SDK2: variants seen among roughly 807,000 people sequenced by gnomAD.
SDK2 encodes sidekick cell adhesion molecule 2, also known as protein sidekick-2.
A neutral mutation model predicts 253.9 loss-of-function variants in SDK2; 105 were observed. That is an observed-to-expected ratio of 0.41 (90% confidence interval 0.35 to 0.49). The LOEUF (loss-of-function observed/expected upper bound fraction) is 0.49. SDK2 is among the 20% of genes least tolerant of loss of function. SDK2 has a pLI of 0.06. For synonymous variants in SDK2, 1,249 were observed against 1,234.9 expected, an observed-to-expected ratio of 1.01 and a Z score of -0.24; for missense variants, 2,608 against 3,003.0, an observed-to-expected ratio of 0.87 and a Z score of 3.07.
rs1050003747 is a variant in SDK2, at chr17:73,527,928, G to C, written c.65-20331C>G. On this transcript the variant is annotated intron_variant, in intron 1 of 44. Transcript: ENST00000392650. ...GACGATGGGGGTGGTGAGAAGAATG[G>C]GGATTGTGGAGCTGTTTTGGAGGTG... 3.3e-5 allele frequency among the ~76,000 whole-genome samples: 5 copies of C among 152,266 alleles called. No individual in the cohort carries two copies. The East Asian group carries it at 9.6e-4, about 29-fold the overall frequency.
At chr17:73,538,074 ACAGACTT>A (rs1193491381) in intron 1 of SDK2, among the ~76,000 whole-genome samples, 1 of 152,044 alleles carries the variant, frequency 6.6e-6, no homozygotes, top group African/African-American at 2.4e-5. Context: ...TACCTGGGAG[ACAGACTT>A]CTGACTCCCG....
At chr17:73,597,582 C>T (rs966109886) in intron 1 of SDK2, among the ~76,000 whole-genome samples, 1 of 152,140 alleles carries the variant, frequency 6.6e-6, no homozygotes, top group Non-Finnish European at 1.5e-5. Flanking sequence ...GCCCCCAGCC[C>T]ACCGCTATCC....
chr17:73,384,100 G>A, intron 32 of SDK2, 89 bp from the exon 33 acceptor site: 1 of 1,390,838 alleles, frequency 7.2e-7, no homozygotes, highest in Non-Finnish European at 9.9e-7. Context: ...TGCAGCCACA[G>A]AGCAGGGACT....
At chr17:73,473,057 C>A (rs545925242) in intron 2 of SDK2, among the ~76,000 whole-genome samples, 99 of 152,346 alleles carry the variant, frequency 6.5e-4, no homozygotes, top group African/African-American at 2.1e-3. Context: ...ACTAATAATA[C>A]AGCTGCACTG....
Position 73,379,576 on chromosome 17 carries a change from G to A in SDK2, c.4763-27C>T. The stretch of plus-strand genomic sequence containing the variant: ...TGTGGGGGAGAGTGGGGGAGGGGAA[G>A]CACACTGAGGTCACCGTCATTGCTG... On this transcript the variant is annotated intron_variant, in intron 34 of 44. Transcript: ENST00000392650. The surrounding 1 kb of genome is among the most constrained non-coding windows in gnomAD (Gnocchi z 4.5). 6 of 1,392,990 alleles carry A rather than the reference G, an allele frequency of 4.3e-6. No homozygotes were observed. Among genetic ancestry groups the A allele is most frequent in the Non-Finnish European group, 5.0e-6 (5 of 990,420 alleles). 86.3% of individuals were successfully genotyped at this position (1,392,990 alleles called of 1,614,324 possible).
intron 24 of SDK2, among the ~76,000 whole-genome samples, chr17:73,396,113 A>G (rs2062969045): frequency 6.6e-6 from 1 of 151,970 alleles, no homozygotes; most frequent in African/African-American, 2.4e-5. Context: ...TCCTCAGCTC[A>G]AGTCATCTGC....
chr17:73,349,843 C>A (rs1422289501), intron 43 of SDK2, among the ~76,000 whole-genome samples: 1 of 152,196 alleles, frequency 6.6e-6, no homozygotes, highest in African/African-American at 2.4e-5. Flanking sequence ...GTTGGCTGGG[C>A]CTGTCTTGCC....
chr17:73,502,482 A>C (rs1403370068), intron 2 of SDK2, among the ~76,000 whole-genome samples: 1 of 152,196 alleles, frequency 6.6e-6, no homozygotes, highest in Non-Finnish European at 1.5e-5. Flanking sequence ...TAATGGGGAT[A>C]TATTCAAAGG....
chr17:73,399,305 A>G lies in SDK2; in HGVS notation c.2972-16T>C, dbSNP rs1244528214. On this transcript the variant is annotated splice_polypyrimidine_tract_variant and intron_variant, in intron 21 of 44. Coordinates refer to ENST00000392650, the MANE Select transcript of SDK2 (RefSeq NM_001144952.2). ...CCTGGGAGTTCTGGAAAAGGAGAAC[A>G]GGGTGGGGAAGGAGATCCGGTGAGA... 1.2e-6 allele frequency: 2 copies of G among 1,613,352 alleles called. No homozygotes were observed. Among genetic ancestry groups the G allele is most frequent in the African/African-American group, 2.7e-5 (2 of 74,906 alleles).
intron 1 of SDK2, among the ~76,000 whole-genome samples, chr17:73,595,858 G>A (rs1253480694): frequency 6.6e-6 from 1 of 152,208 alleles, no homozygotes; most frequent in Non-Finnish European, 1.5e-5. Flanking sequence ...GGAGCTGGGA[G>A]GACAGGCTCC....
At chr17:73,377,256 T>C (rs1213414860) in intron 36 of SDK2, among the ~76,000 whole-genome samples, 1 of 150,942 alleles carries the variant, frequency 6.6e-6, no homozygotes, top group Non-Finnish European at 1.5e-5. Context: ...TCTTGCTCTG[T>C]TGTCCAGGCT....
chr17:73,582,739 C>A (rs1276677500), intron 1 of SDK2, among the ~76,000 whole-genome samples: 1 of 152,168 alleles, frequency 6.6e-6, no homozygotes, highest in African/African-American at 2.4e-5. Context: ...CTCCTGGGTA[C>A]CCCCCTTCAG....
At position 73,517,794 on chromosome 17, in the gene SDK2, G is replaced by A. The variant is rs180838343; in HGVS notation, c.65-10197C>T. The stretch of plus-strand genomic sequence containing the variant: ...AGCCCTGCCTCGCTGGATGTAGCTG[G>A]TCCTTCCCAGACACATCACGTGCGC... On this transcript the variant is annotated intron_variant, in intron 1 of 44. Coordinates refer to ENST00000392650, the MANE Select transcript of SDK2 (RefSeq NM_001144952.2). 11 of 152,432 alleles carry A rather than the reference G, an allele frequency of 7.2e-5. No homozygotes were observed. The South Asian group carries it at 1.0e-3, about 14-fold the overall frequency. 9.4% of individuals were successfully genotyped at this position (152,432 alleles called of 1,614,324 possible).
chr17:73,613,090 C>T (rs909099256), intron 1 of SDK2, among the ~76,000 whole-genome samples: 2 of 152,242 alleles, frequency 1.3e-5, no homozygotes, highest in South Asian at 2.1e-4. Flanking sequence ...CAAGTTGATG[C>T]GGGAGGAATG....
intron 34 of SDK2, among the ~76,000 whole-genome samples, 158 bp downstream of exon 34, chr17:73,380,736 T>C (rs1383974073): frequency 6.6e-6 from 1 of 152,192 alleles, no homozygotes. Context: ...TTTCCGTGTG[T>C]TTAGGGTTAT....
At chr17:73,504,036 C>T (rs9892260) in intron 2 of SDK2, among the ~76,000 whole-genome samples, 91,573 of 151,770 alleles carry the variant, frequency 0.6, 28,095 homozygotes, top group Non-Finnish European at 0.66. Flanking sequence ...CCTGAGGTTC[C>T]AGGAACTGCC....
chr17:73,548,007 C>T (rs1163191914), intron 1 of SDK2, among the ~76,000 whole-genome samples: 1 of 152,130 alleles, frequency 6.6e-6, no homozygotes, highest in Non-Finnish European at 1.5e-5. Context: ...GGGGAAGTGC[C>T]ACACACTTTT....
chr17:73,423,010 A>G (rs1476705761), intron 14 of SDK2, among the ~76,000 whole-genome samples: 1 of 152,158 alleles, frequency 6.6e-6, no homozygotes, highest in Non-Finnish European at 1.5e-5. Flanking sequence ...GACAAGTGTG[A>G]AACTCCGTCT....
Position 73,639,234 on chromosome 17 carries a change from G to A in SDK2, c.64+4791C>T, listed in dbSNP as rs75168612. Among the ~76,000 whole-genome samples the A allele has an allele frequency of 0.013, 2,029 of 152,290 alleles. 41 individuals carry two copies. Among genetic ancestry groups the A allele is most frequent in the African/African-American group, 0.047 (1,937 of 41,550 alleles). On this transcript the variant is annotated intron_variant, in intron 1 of 44. Coordinates refer to ENST00000392650, the MANE Select transcript of SDK2 (RefSeq NM_001144952.2). This position sits in a 1 kb window ranked among gnomAD's most constrained non-coding sequence, Gnocchi z 4.3. Reference sequence around the variant, plus strand: ...AGCCACGCTGGGAGCCATTCACCACGTCTGCAGGAGAAGGGTCTCCCCAGG... The same window carrying A: ...AGCCACGCTGGGAGCCATTCACCACATCTGCAGGAGAAGGGTCTCCCCAGG...
Sources: gnomAD v4.1 joint callset for allele counts (sites outside exome capture counted in the v4.1 genomes callset) on GRCh38, gnomAD v4.1.1 for gene constraint, Gnocchi (gnomAD v3.1) non-coding constraint, MANE v1.5 for transcripts, NCBI Gene and HGNC (gene_info 2026-07-23, HGNC 2026-07-21) for gene names.